The following HS3ST5 variants were observed in gnomAD, a reference collection of about 807,000 sequenced individuals.
The protein encoded by HS3ST5 is heparan sulfate-glucosamine 3-sulfotransferase 5, also known as heparan sulfate glucosamine 3-O-sulfotransferase 5.
HS3ST5 carries 10 observed loss-of-function variants against 25.4 expected under a neutral mutation model. That is an observed-to-expected ratio of 0.39 (90% CI 0.24 to 0.67). HS3ST5 has a LOEUF of 0.67. HS3ST5 is among the 30% of genes least tolerant of loss of function. The probability of loss-of-function intolerance (pLI) is 0.44; values close to 1 mark genes in which losing one functional copy is unlikely to be tolerated. For missense variants in HS3ST5, 324 were observed against 420.7 expected, an observed-to-expected ratio of 0.77 and a Z score of 2.01; for synonymous variants, 170 against 162.4, an observed-to-expected ratio of 1.05 and a Z score of -0.36.
At chr6:114,262,129 G>A (rs1480068880) in intron 1 of HS3ST5, among the ~76,000 whole-genome samples, 1 of 152,124 alleles carries the variant, frequency 6.6e-6, no homozygotes, top group African/African-American at 2.4e-5. Flanking sequence ...TGAATAATGA[G>A]GCCACAGATC....
At chr6:114,136,791 AT>A (rs762848055) in intron 3 of HS3ST5, among the ~76,000 whole-genome samples, 12 of 152,202 alleles carry the variant, frequency 7.9e-5, no homozygotes, top group Non-Finnish European at 1.5e-4. Context: ...CATATTCCCA[AT>A]ACTTTAAATC....
At chr6:114,152,579 A>C (rs1778510406) in intron 3 of HS3ST5, among the ~76,000 whole-genome samples, 1 of 152,172 alleles carries the variant, frequency 6.6e-6, no homozygotes, top group African/African-American at 2.4e-5. Flanking sequence ...GCAACTCTAC[A>C]GATTTGCTTT....
intron 1 of HS3ST5, among the ~76,000 whole-genome samples, chr6:114,326,544 T>C (rs1233752007): frequency 6.6e-6 from 1 of 152,192 alleles, no homozygotes. Context: ...GCACAGTAAT[T>C]AGAGCAGTTG....
At chr6:114,169,782 T>C (rs1779389983) in intron 2 of HS3ST5, among the ~76,000 whole-genome samples, 1 of 152,192 alleles carries the variant, frequency 6.6e-6, no homozygotes, top group Non-Finnish European at 1.5e-5. Flanking sequence ...CATTATACTG[T>C]AGAGCTTGTC....
chr6:114,086,633 T>G (rs780334160), intron 3 of HS3ST5, among the ~76,000 whole-genome samples: 7 of 152,344 alleles, frequency 4.6e-5, no homozygotes, highest in Admixed American at 2.0e-4. Flanking sequence ...TGCTAATAAA[T>G]GGATGTTAAG....
intron 1 of HS3ST5, among the ~76,000 whole-genome samples, chr6:114,267,953 AT>A (rs1773479774): frequency 6.6e-6 from 1 of 152,212 alleles, no homozygotes; most frequent in Admixed American, 6.5e-5. Context: ...TACAAAAAAA[AT>A]CTATTTACAA....
intron 3 of HS3ST5, chr6:114,132,068 A>G (rs1412903808): frequency 6.6e-6 from 1 of 152,022 alleles, no homozygotes; most frequent in Non-Finnish European, 1.5e-5. Flanking sequence ...CCCTTTTTCA[A>G]TATTCTCATA....
chr6:114,103,099 C>T (rs1240771687), intron 3 of HS3ST5, among the ~76,000 whole-genome samples: 2 of 152,262 alleles, frequency 1.3e-5, no homozygotes, highest in East Asian at 1.9e-4. Context: ...CTGTTTCTTA[C>T]CCTGTTCAGT....
intron 1 of HS3ST5, among the ~76,000 whole-genome samples, chr6:114,278,111 G>T (rs566954973): frequency 6.6e-6 from 1 of 151,986 alleles, no homozygotes; most frequent in African/African-American, 2.4e-5. Flanking sequence ...CTGACATTCG[G>T]GTTAAGTCAT....
chr6:114,294,210 C>G (rs1384468248), intron 1 of HS3ST5, among the ~76,000 whole-genome samples: 1 of 152,064 alleles, frequency 6.6e-6, no homozygotes, highest in East Asian at 1.9e-4. Context: ...AGAGCTGATG[C>G]ATTGGAAGCA....
chr6:114,194,678 G>A (rs1030807133), intron 2 of HS3ST5, among the ~76,000 whole-genome samples: 5 of 152,182 alleles, frequency 3.3e-5, no homozygotes, highest in African/African-American at 9.6e-5. Flanking sequence ...TGACATCAGA[G>A]TGTGGAAAAT....
At chr6:114,136,489 A>G (rs1000066542) in intron 3 of HS3ST5, among the ~76,000 whole-genome samples, 12 of 152,272 alleles carry the variant, frequency 7.9e-5, no homozygotes, top group African/African-American at 2.2e-4. Context: ...CCAGTCTCGG[A>G]TATATCTTTA....
intron 3 of HS3ST5, among the ~76,000 whole-genome samples, chr6:114,149,096 G>A (rs1778319284): frequency 6.6e-6 from 1 of 152,194 alleles, no homozygotes; most frequent in African/African-American, 2.4e-5. Flanking sequence ...TGCTGGTGAG[G>A]CTGTGGAGAA....
At chr6:114,170,850 T>A (rs955282324) in intron 2 of HS3ST5, among the ~76,000 whole-genome samples, 5 of 152,210 alleles carry the variant, frequency 3.3e-5, no homozygotes, top group Non-Finnish European at 5.9e-5. Context: ...AATTTAAACA[T>A]AATTAGCTAA....
intron 2 of HS3ST5, among the ~76,000 whole-genome samples, chr6:114,195,971 TAGG>T (rs1186739915): frequency 1.3e-5 from 2 of 152,090 alleles, no homozygotes; most frequent in Admixed American, 1.3e-4. Context: ...GTATGCACAC[TAGG>T]AGAACAGGAG....
At chr6:114,117,812 T>G (rs2114866692) in intron 3 of HS3ST5, among the ~76,000 whole-genome samples, 1 of 152,306 alleles carries the variant, frequency 6.6e-6, no homozygotes, top group South Asian at 2.1e-4. Flanking sequence ...ATCTCTGCCC[T>G]GTATAACTAC....
chr6:114,101,612 C>T (rs1775736216), intron 3 of HS3ST5, among the ~76,000 whole-genome samples: 1 of 148,056 alleles, frequency 6.8e-6, no homozygotes, highest in East Asian at 2.0e-4. Flanking sequence ...GAATGTAAAT[C>T]AGTTCTGCCA....
intron 4 of HS3ST5, 95 bp from the exon 5 acceptor site, chr6:114,058,285 A>G (rs1254860836): frequency 5.6e-6 from 5 of 891,724 alleles, no homozygotes. Flanking sequence ...GCATAAATAA[A>G]GCCACTGGTT....
rs182628564 is a variant in HS3ST5, at chr6:114,262,731, G to A, written c.-338-33953C>T. Among the ~76,000 whole-genome samples the A allele has an allele frequency of 4.0e-3, 601 of 151,970 alleles. 5 individuals are homozygous for A. Among genetic ancestry groups the A allele is most frequent in the African/African-American group, 0.013 (544 of 41,460 alleles). On this transcript the variant is annotated intron_variant, in intron 1 of 4. Transcript: ENST00000312719. ...AACAGCAATAATATTTAACAATAAA[G>A]ATAAAAGCAAAAGGAACTTAAAAAC...
Sources: gnomAD v4.1 joint callset for allele counts (sites outside exome capture counted in the v4.1 genomes callset) on GRCh38, gnomAD v4.1.1 for gene constraint, MANE v1.5 for transcripts, NCBI Gene and HGNC (gene_info 2026-07-23, HGNC 2026-07-21) for gene names.